RNMT: variants seen among roughly 807,000 people sequenced by gnomAD.
RNMT encodes the protein mRNA cap guanine-N(7) methyltransferase.
RNMT carries 27 observed loss-of-function variants against 56.0 expected under a neutral mutation model. The ratio of observed to expected loss-of-function variants is 0.48; its 90% CI spans 0.36 to 0.67. The LOEUF (loss-of-function observed/expected upper bound fraction) is 0.67, where lower values mean the gene tolerates loss of function less well. Among genes scored for constraint, RNMT ranks in the 30% least tolerant of loss-of-function variants. RNMT has a pLI of 0.00. For missense variants in RNMT, 519 were observed against 552.1 expected (o/e 0.94, Z 0.60); for synonymous variants, 184 against 176.2 (o/e 1.04, Z -0.35).
In RNMT at chr18:13,754,352, A is replaced by G. The variant is rs376320491; in HGVS notation, c.1393+205A>G. 9.9e-5 allele frequency among the ~76,000 whole-genome samples: 15 copies of G among 152,230 alleles called. No individual in the cohort carries two copies. The East Asian group carries it at 2.7e-3, about 27-fold the overall frequency. On this transcript the variant is annotated intron_variant, in intron 11 of 11. Transcript: ENST00000383314. ...AAATGCTTGTCTCTACCAAAAATAC[A>G]AAAAAATTAGCCAGTCATGGTGGCA...
In RNMT at chr18:13,761,446, T is replaced by C; in HGVS notation, c.*1467T>C. The C allele has an allele frequency of 1.0e-6, 1 of 985,906 alleles. No homozygotes were observed. Among genetic ancestry groups the C allele is most frequent in the African/African-American group, 1.7e-5 (1 of 57,368 alleles). 61.1% of individuals were successfully genotyped at this position (985,906 alleles called of 1,614,324 possible). ...AGGGCAGTGCCAGGAAGTATATTGATAGCTTTGTAGGTACAGGAAAAACAT... is the reference window on the plus strand; with the variant it reads ...AGGGCAGTGCCAGGAAGTATATTGACAGCTTTGTAGGTACAGGAAAAACAT... On this transcript the variant is annotated 3_prime_UTR_variant, in exon 12 of 12. Coordinates refer to ENST00000383314, the MANE Select transcript of RNMT (RefSeq NM_003799.3).
rs1171458181 is a variant in RNMT, at chr18:13,764,232, T to C, written c.*4253T>C. The C allele has an allele frequency of 6.6e-6, 1 of 152,210 alleles. No individual in the cohort carries two copies. Among genetic ancestry groups the C allele is most frequent in the East Asian group, 1.9e-4 (1 of 5,192 alleles). 9.4% of individuals were successfully genotyped at this position (152,210 alleles called of 1,614,324 possible). A position where few individuals can be genotyped will look rare whatever the true frequency, so the allele number is the denominator to read the frequency against. On this transcript the variant is annotated 3_prime_UTR_variant, in exon 12 of 12. Transcript: ENST00000383314. ...GCAAATCATTTTGTTTAACTTTTTA[T>C]TAAAGTGTAACTATAGAAACACATC...
At chr18:13,729,980 G>A (rs968575320) in intron 1 of RNMT, among the ~76,000 whole-genome samples, 58 of 152,002 alleles carry the variant, frequency 3.8e-4, no homozygotes, top group African/African-American at 1.4e-3. Context: ...TGTAGAGACG[G>A]GATTTTGCCA....
At chr18:13,728,185 A>G (rs2043996446) in intron 1 of RNMT, among the ~76,000 whole-genome samples, 1 of 151,914 alleles carries the variant, frequency 6.6e-6, no homozygotes, top group South Asian at 2.1e-4. Context: ...TTGTTTTTTG[A>G]AGAACCTCCA....
chr18:13,748,900 T>A (rs555299796), intron 9 of RNMT, among the ~76,000 whole-genome samples: 4 of 152,068 alleles, frequency 2.6e-5, no homozygotes, highest in Non-Finnish European at 5.9e-5. Flanking sequence ...GCCAACATGG[T>A]AAAACCCCGT....
chr18:13,760,544 A>G lies in RNMT; in HGVS notation c.*565A>G. The G allele has an allele frequency of 2.0e-6, 2 of 985,810 alleles. No individual in the cohort carries two copies. Among genetic ancestry groups the G allele is most frequent in the Non-Finnish European group, 2.4e-6 (2 of 829,900 alleles). 61.1% of individuals were successfully genotyped at this position (985,810 alleles called of 1,614,324 possible). A position where few individuals can be genotyped will look rare whatever the true frequency, so the allele number is the denominator to read the frequency against. On this transcript the variant is annotated 3_prime_UTR_variant, in exon 12 of 12. Coordinates refer to ENST00000383314, the MANE Select transcript of RNMT (RefSeq NM_003799.3). ...ATTTTAGCAATTTATTGCATTTTGA[A>G]ATAATCATTAACATGCTGCAATTCA...
At chr18:13,750,336 CCAT>C (rs1368943424) in intron 9 of RNMT, among the ~76,000 whole-genome samples, 1 of 151,702 alleles carries the variant, frequency 6.6e-6, no homozygotes, top group Non-Finnish European at 1.5e-5. Flanking sequence ...TATTAAATTG[CCAT>C]CATTTTAATA....
chr18:13,731,972 A>G, intron 3 of RNMT, 38 bp downstream of exon 3: 1 of 1,502,614 alleles, frequency 6.7e-7, no homozygotes, highest in Non-Finnish European at 8.9e-7. Context: ...ATAATAGAAT[A>G]TGTAAGTTTG....
chr18:13,734,313 A>G (rs1316035884), intron 3 of RNMT, 151 bp from the exon 4 acceptor site: 3 of 624,954 alleles, frequency 4.8e-6, no homozygotes, highest in Non-Finnish European at 5.2e-6. Flanking sequence ...AGGTCTAATG[A>G]TAATTAGTGA....
chr18:13,734,295 C>A (rs1268974315), intron 3 of RNMT, among the ~76,000 whole-genome samples, 169 bp from the exon 4 acceptor site: 2 of 152,192 alleles, frequency 1.3e-5, no homozygotes, highest in African/African-American at 4.8e-5. Context: ...ACACAGAAAA[C>A]AAATCTTAGG....
rs1250380375 is a variant in RNMT, at chr18:13,759,362, C to T, written c.1394-580C>T. 2.0e-5 allele frequency among the ~76,000 whole-genome samples: 3 copies of T among 152,050 alleles called. No individual in the cohort carries two copies. In the East Asian group the frequency reaches 5.8e-4, roughly 29 times the overall value. ...CTGTCTTTGAGTCAAAGCAGGAAAC[C>T]TTATTTCAGGGAGAGAGCTCTTGGG... On this transcript the variant is annotated intron_variant, in intron 11 of 11. Coordinates refer to ENST00000383314, the MANE Select transcript of RNMT (RefSeq NM_003799.3).
intron 4 of RNMT, among the ~76,000 whole-genome samples, chr18:13,736,031 A>G (rs1169607946): frequency 6.6e-6 from 1 of 152,084 alleles, no homozygotes; most frequent in African/African-American, 2.4e-5. Flanking sequence ...CTTTTTTGAA[A>G]TTGTTTCTTG....
intron 5 of RNMT, among the ~76,000 whole-genome samples, chr18:13,739,695 A>G (rs2149090410): frequency 6.6e-6 from 1 of 152,346 alleles, no homozygotes; most frequent in African/African-American, 2.4e-5. Context: ...CTGAGGTATG[A>G]GAATCACTTG....
chr18:13,728,289 C>G (rs534397188), intron 1 of RNMT, among the ~76,000 whole-genome samples: 1 of 147,400 alleles, frequency 6.8e-6, no homozygotes, highest in African/African-American at 2.5e-5. Context: ...ATCCTGCATC[C>G]TCATCAGCAT....
chr18:13,752,977 A>G (rs1490748056), intron 10 of RNMT, among the ~76,000 whole-genome samples: 9 of 152,320 alleles, frequency 5.9e-5, no homozygotes, highest in African/African-American at 1.7e-4. Context: ...AGATCTTGTT[A>G]TTATAGTTAA....
intron 8 of RNMT, among the ~76,000 whole-genome samples, chr18:13,744,384 CA>C (rs1175101713): frequency 6.6e-6 from 1 of 151,716 alleles, no homozygotes; most frequent in African/African-American, 2.4e-5. Context: ...AATTGGGCCT[CA>C]ATTCTTTGAA....
intron 3 of RNMT, among the ~76,000 whole-genome samples, chr18:13,734,246 G>A (rs989965886): frequency 1.2e-4 from 18 of 152,284 alleles, no homozygotes; most frequent in African/African-American, 3.6e-4. Flanking sequence ...TCTCCGGTAC[G>A]TCTTTAGCAG....
intron 9 of RNMT, among the ~76,000 whole-genome samples, chr18:13,749,979 C>T (rs1398458721): frequency 6.6e-6 from 1 of 152,116 alleles, no homozygotes; most frequent in Non-Finnish European, 1.5e-5. Flanking sequence ...AGGCTAGTCT[C>T]GAACCCCTGA....
intron 1 of RNMT, among the ~76,000 whole-genome samples, chr18:13,728,842 TG>T (rs2044020295): frequency 6.6e-6 from 1 of 152,158 alleles, no homozygotes. Context: ...TCTTTTTTTT[TG>T]CTATTGAGTT....
Sources: gnomAD v4.1 joint callset for allele counts (sites outside exome capture counted in the v4.1 genomes callset) on GRCh38, gnomAD v4.1.1 for gene constraint, MANE v1.5 for transcripts, NCBI Gene and HGNC (gene_info 2026-07-23, HGNC 2026-07-21) for gene names.